Variants in RPS6KC1 observed in about 807,000 individuals in gnomAD.
The protein encoded by RPS6KC1 is inactive ribosomal protein S6 kinase delta-1.
Under a neutral mutation model 103.8 loss-of-function variants are expected in RPS6KC1, and 54 were observed. The ratio of observed to expected loss-of-function variants is 0.52; its 90% CI spans 0.42 to 0.65. RPS6KC1 has a LOEUF of 0.65. Ranked by LOEUF, RPS6KC1 falls within the 30% of genes least tolerant of loss-of-function variation. The pLI is 0.00. For synonymous variants in RPS6KC1, 439 were observed against 438.7 expected, an observed-to-expected ratio of 1.00 and a Z score of -0.01; for missense variants, 1,151 against 1,253.8, an observed-to-expected ratio of 0.92 and a Z score of 1.24.
chr1:213,143,929 T>G (rs1320253650), intron 6 of RPS6KC1, among the ~76,000 whole-genome samples: 2 of 151,898 alleles, frequency 1.3e-5, no homozygotes, highest in Non-Finnish European at 2.9e-5. Context: ...GTCCCCTTTG[T>G]CCATCTCAAA....
chr1:213,218,743 C>G (rs2093739419), intron 8 of RPS6KC1, among the ~76,000 whole-genome samples: 1 of 152,268 alleles, frequency 6.6e-6, no homozygotes, highest in African/African-American at 2.4e-5. Flanking sequence ...TGATCTTTGA[C>G]AAACCTGAGA....
At chr1:213,213,796 C>G (rs552937342) in intron 8 of RPS6KC1, among the ~76,000 whole-genome samples, 13 of 152,160 alleles carry the variant, frequency 8.5e-5, no homozygotes, top group Non-Finnish European at 1.3e-4. Flanking sequence ...ATAATCTACT[C>G]ATATCTTGGA....
chr1:213,309,484 A>T, the RPS6KC1 span, among the ~76,000 whole-genome samples: 1 of 152,224 alleles, frequency 6.6e-6, no homozygotes, highest in Non-Finnish European at 1.5e-5. Flanking sequence ...AGTGAAAAGT[A>T]TCGGAGTTCA....
the RPS6KC1 span, among the ~76,000 whole-genome samples, chr1:213,854,540 CTT>C: frequency 1.0e-4 from 11 of 106,116 alleles, no homozygotes; most frequent in African/African-American, 4.1e-4. Context: ...TTCTTTCTTT[CTT>C]TCTTTCTTTC....
At chr1:213,130,033 G>C in intron 6 of RPS6KC1, 144 bp downstream of exon 6, 4 of 719,428 alleles carry the variant, frequency 5.6e-6, no homozygotes, top group Non-Finnish European at 8.6e-6. Flanking sequence ...CCTATATATG[G>C]ATATATACTT....
At chr1:213,848,284 A>G in the RPS6KC1 span, among the ~76,000 whole-genome samples, 1 of 152,182 alleles carries the variant, frequency 6.6e-6, no homozygotes, top group Admixed American at 6.5e-5. Context: ...CATGTACACC[A>G]TATCATTCAT....
At chr1:213,484,247 T>G in the RPS6KC1 span, among the ~76,000 whole-genome samples, 7 of 152,178 alleles carry the variant, frequency 4.6e-5, no homozygotes, top group African/African-American at 1.7e-4. Context: ...AACACCAAAA[T>G]TTATTATCTC....
At chr1:213,627,357 G>A in the RPS6KC1 span, among the ~76,000 whole-genome samples, 1 of 152,164 alleles carries the variant, frequency 6.6e-6, no homozygotes, top group Admixed American at 6.5e-5. Context: ...ATACAATCAT[G>A]TCATCTGCAA....
At chr1:213,792,844 C>G in the RPS6KC1 span, among the ~76,000 whole-genome samples, 2 of 151,844 alleles carry the variant, frequency 1.3e-5, no homozygotes, top group East Asian at 3.9e-4. Context: ...CAACCACCCC[C>G]ACCCTTCACA....
At chr1:213,607,702 C>T in the RPS6KC1 span, among the ~76,000 whole-genome samples, 1 of 151,500 alleles carries the variant, frequency 6.6e-6, no homozygotes, top group Non-Finnish European at 1.5e-5. Context: ...CACACACACA[C>T]ACACACACAC....
chr1:213,771,986 C>T, the RPS6KC1 span, among the ~76,000 whole-genome samples: 1 of 152,184 alleles, frequency 6.6e-6, no homozygotes, highest in African/African-American at 2.4e-5. Context: ...ACCAGCTCCA[C>T]GTACGCTAAT....
chr1:213,681,207 C>T, the RPS6KC1 span, among the ~76,000 whole-genome samples: 1 of 152,174 alleles, frequency 6.6e-6, no homozygotes, highest in Non-Finnish European at 1.5e-5. Flanking sequence ...CCAGACACCG[C>T]CAACCATGTC....
At chr1:213,206,077 T>C (rs1193911993) in intron 8 of RPS6KC1, among the ~76,000 whole-genome samples, 1 of 152,188 alleles carries the variant, frequency 6.6e-6, no homozygotes, top group East Asian at 1.9e-4. Context: ...TTGAATACTA[T>C]ATTTGGATTT....
the RPS6KC1 span, among the ~76,000 whole-genome samples, chr1:213,338,081 G>C: frequency 2.0e-5 from 3 of 152,108 alleles, no homozygotes; most frequent in African/African-American, 7.2e-5. Flanking sequence ...TCAGTTATTG[G>C]GGGAAGAGCT....
At chr1:213,422,824 C>T in the RPS6KC1 span, among the ~76,000 whole-genome samples, 1 of 152,214 alleles carries the variant, frequency 6.6e-6, no homozygotes, top group Non-Finnish European at 1.5e-5. Context: ...AGGATTCAAC[C>T]AAGGCATCTG....
At chr1:213,370,224 C>T in the RPS6KC1 span, among the ~76,000 whole-genome samples, 1 of 145,032 alleles carries the variant, frequency 6.9e-6, no homozygotes, top group South Asian at 2.2e-4. Context: ...TTGGACCTTA[C>T]CTGCTTCTCT....
At chr1:213,465,811 G>A in the RPS6KC1 span, among the ~76,000 whole-genome samples, 1 of 152,020 alleles carries the variant, frequency 6.6e-6, no homozygotes, top group Non-Finnish European at 1.5e-5. Context: ...TATTAAATAT[G>A]TAAGTTTGAG....
the RPS6KC1 span, among the ~76,000 whole-genome samples, chr1:213,570,149 G>T: frequency 0.031 from 4,714 of 152,288 alleles, 238 homozygotes; most frequent in African/African-American, 0.11. Flanking sequence ...GCCTGGGTGT[G>T]TAGGAAACTC....
chr1:213,356,429 C>T, the RPS6KC1 span, among the ~76,000 whole-genome samples: 4 of 151,954 alleles, frequency 2.6e-5, no homozygotes, highest in African/African-American at 4.8e-5. Flanking sequence ...GCCGAGGCAG[C>T]AGATCACCTG....
Sources: gnomAD v4.1 joint callset for allele counts (sites outside exome capture counted in the v4.1 genomes callset) on GRCh38, gnomAD v4.1.1 for gene constraint, MANE v1.5 for transcripts, NCBI Gene and HGNC (gene_info 2026-07-23, HGNC 2026-07-21) for gene names.